Variants in CPNE1 observed in about 807,000 individuals in gnomAD.
CPNE1 encodes the protein copine 1.
In CPNE1, 58 loss-of-function variants were observed where a neutral mutation model predicts 63.2. The ratio of observed to expected loss-of-function variants is 0.92; its 90% confidence interval spans 0.74 to 1.14. The LOEUF is 1.14. CPNE1 is among the 50% of genes most tolerant of loss of function. The pLI is 0.00. For synonymous variants in CPNE1, 237 were observed against 249.0 expected, an observed-to-expected ratio of 0.95 and a Z score of 0.45; for missense variants, 672 against 661.7, an observed-to-expected ratio of 1.02 and a Z score of -0.17.
At position 35,626,179 on chromosome 20, in the gene CPNE1, T is replaced by C. The variant is rs772475530; in HGVS notation, c.*62A>G. 22 of 1,548,902 alleles carry C rather than the reference T, an allele frequency of 1.4e-5. No homozygotes were observed. Among genetic ancestry groups the C allele is most frequent in the African/African-American group, 4.1e-5 (3 of 73,460 alleles). ...ACTGAGGAGAGTGAGAAGGGTTGGG[T>C]TGTGGCCCAGAGGGACCTCTGGGAC... On this transcript the variant is annotated 3_prime_UTR_variant, in exon 16 of 16. Coordinates refer to ENST00000397443, the MANE Select transcript of CPNE1 (RefSeq NM_152925.3).
intron 1 of CPNE1, among the ~76,000 whole-genome samples, chr20:35,641,500 G>C (rs929947040): frequency 3.3e-5 from 5 of 152,114 alleles, no homozygotes; most frequent in African/African-American, 1.2e-4. Context: ...TATAACTTGG[G>C]CAAATACTTA....
At chr20:35,636,315 C>G (rs1458694997) in intron 1 of CPNE1, among the ~76,000 whole-genome samples, 1 of 152,176 alleles carries the variant, frequency 6.6e-6, no homozygotes, top group East Asian at 1.9e-4. Context: ...ACCTCACATG[C>G]TCTCCCAGGC....
At position 35,631,482 on chromosome 20, in the gene CPNE1, C is replaced by G; in HGVS notation, c.714+10G>C. On this transcript the variant is annotated intron_variant, in intron 8 of 15. Transcript: ENST00000397443. ...CCCATTTCCACACCCCTGGCAAGAC[C>G]AGCACTCACCGGGACTGCCTGCAGC... 6.2e-7 allele frequency: 1 copy of G among 1,613,484 alleles called. No individual in the cohort carries two copies.
chr20:35,659,672 A>G (rs1442856210), intron 1 of CPNE1, among the ~76,000 whole-genome samples: 3 of 152,158 alleles, frequency 2.0e-5, no homozygotes, highest in East Asian at 3.8e-4. Flanking sequence ...AATAAATAAA[A>G]TAAAATAAAA....
At chr20:35,662,681 A>G (rs1028791422) in intron 1 of CPNE1, among the ~76,000 whole-genome samples, 1 of 152,224 alleles carries the variant, frequency 6.6e-6, no homozygotes, top group African/African-American at 2.4e-5. Flanking sequence ...AATGGAGTAA[A>G]AACTATCAAC....
At chr20:35,663,771 A>G (rs73104746) in intron 1 of CPNE1, among the ~76,000 whole-genome samples, 5,206 of 152,322 alleles carry the variant, frequency 0.034, 126 homozygotes, top group Non-Finnish European at 0.049. Flanking sequence ...ACAACCTAGC[A>G]GCTAAGCCTG....
At position 35,656,974 on chromosome 20, in the gene CPNE1, A is replaced by G. The variant is rs560444926; in HGVS notation, c.-1+7786T>C. Among the ~76,000 whole-genome samples the G allele has an allele frequency of 2.0e-5, 3 of 152,368 alleles. No homozygotes were observed. The South Asian group carries it at 6.2e-4, about 32-fold the overall frequency. On this transcript the variant is annotated intron_variant, in intron 1 of 15. Transcript: ENST00000397443. ...CTGTAACTTCATTGTCAAATATTAT[A>G]TAAATACTAATGCAACAAAATCTGT... is the stretch of plus-strand genomic sequence containing the variant.
At position 35,647,792 on chromosome 20, in the gene CPNE1, C is replaced by T. The variant is rs143160781; in HGVS notation, c.1-14869G>A. On this transcript the variant is annotated intron_variant, in intron 1 of 15. Coordinates refer to ENST00000397443, the MANE Select transcript of CPNE1 (RefSeq NM_152925.3). ...TTTACCAGCTGGGCACGGTGGCTCACGCCTGTAATCCCAGCACTTTGGGAG... is the reference window on the plus strand; with the variant it reads ...TTTACCAGCTGGGCACGGTGGCTCATGCCTGTAATCCCAGCACTTTGGGAG... Among the ~76,000 whole-genome samples, 1,375 of 151,544 alleles carry T rather than the reference C, an allele frequency of 9.1e-3. 24 individuals carry two copies. Among genetic ancestry groups the T allele is most frequent in the African/African-American group, 0.032 (1,317 of 41,250 alleles).
chr20:35,652,914 C>T lies in CPNE1; in HGVS notation c.-1+11846G>A, dbSNP rs149878650. 3,433 of 1,613,718 alleles carry T rather than the reference C, an allele frequency of 2.1e-3. 129 individuals carry two copies. In the Admixed American group the frequency reaches 0.054, roughly 25 times the overall value. The stretch of plus-strand genomic sequence containing the variant: ...GACCAGGAGGGCCACTTCCAAACCC[C>T]GGGGGACCGCCTAAGCTACCAGGGC... On this transcript the variant is annotated intron_variant, in intron 1 of 15. Transcript: ENST00000397443.
intron 1 of CPNE1, among the ~76,000 whole-genome samples, chr20:35,642,142 T>C (rs1284704741): frequency 6.6e-6 from 1 of 152,198 alleles, no homozygotes; most frequent in East Asian, 1.9e-4. Flanking sequence ...GAGGTTCTAA[T>C]TTTCCTATTC....
In CPNE1 at chr20:35,627,368, A is replaced by C; in HGVS notation, c.1148T>G (p.Val383Gly). ...VDAYRQALPQ[V>G]RLYGPTNFAP... ...AAAGTTGGTAGGGCCATAGAGGCGA[A>C]CTTGGGGCAGGGCTTGGCGGTAGGC... Residue 383 changes from valine (V) to glycine (G), a missense_variant, in exon 14 of 16, where the codon GTT becomes GGT. Physicochemically the swap from Val to Gly is moderately radical, Grantham distance 109. Coordinates refer to ENST00000397443, the MANE Select transcript of CPNE1 (RefSeq NM_152925.3). The C allele has an allele frequency of 6.2e-7, 1 of 1,614,110 alleles. No homozygotes were observed. Among genetic ancestry groups the C allele is most frequent in the Non-Finnish European group, 8.5e-7 (1 of 1,180,002 alleles).
At chr20:35,641,575 T>TACATGCATAC (rs2032813892) in intron 1 of CPNE1, among the ~76,000 whole-genome samples, 1 of 152,182 alleles carries the variant, frequency 6.6e-6, no homozygotes, top group Non-Finnish European at 1.5e-5. Flanking sequence ...TGAAGATTAA[T>TACATGCATAC]ATAAATAATG....
chr20:35,659,848 C>T (rs1391373040), intron 1 of CPNE1, among the ~76,000 whole-genome samples: 10 of 151,912 alleles, frequency 6.6e-5, no homozygotes, highest in Admixed American at 4.6e-4. Context: ...TCATTTTTTG[C>T]TTTTTATTTT....
At chr20:35,656,372 A>G (rs1670888731) in intron 1 of CPNE1, among the ~76,000 whole-genome samples, 3 of 152,160 alleles carry the variant, frequency 2.0e-5, no homozygotes, top group African/African-American at 7.2e-5. Flanking sequence ...GTTCCCCTCA[A>G]ATTTCAGTAT....
intron 13 of CPNE1, 99 bp downstream of exon 13, chr20:35,630,340 A>G (rs1246622876): frequency 6.8e-6 from 6 of 877,242 alleles, no homozygotes; most frequent in Non-Finnish European, 1.1e-5. Flanking sequence ...CCCTCTGGAC[A>G]ATGAAGGCAG....
Position 35,626,218 on chromosome 20 carries a change from C to G in CPNE1, c.*23G>C. Reference sequence around the variant, plus strand: ...GACCTCTGGGACACAGGATTGAGGACTTGCCACAGCCTCCAAGGGAACCTA... The same window carrying G: ...GACCTCTGGGACACAGGATTGAGGAGTTGCCACAGCCTCCAAGGGAACCTA... On this transcript the variant is annotated 3_prime_UTR_variant, in exon 16 of 16. Coordinates refer to ENST00000397443, the MANE Select transcript of CPNE1 (RefSeq NM_152925.3). 6.2e-7 allele frequency: 1 copy of G among 1,614,016 alleles called. No individual in the cohort carries two copies. Among genetic ancestry groups the G allele is most frequent in the Non-Finnish European group, 8.5e-7 (1 of 1,179,920 alleles).
intron 1 of CPNE1, among the ~76,000 whole-genome samples, chr20:35,644,097 T>G (rs2032976572): frequency 6.6e-6 from 1 of 152,174 alleles, no homozygotes; most frequent in Non-Finnish European, 1.5e-5. Context: ...CAGTGTTATT[T>G]GTGAGGATTA....
chr20:35,656,300 TC>T (rs1273930947), intron 1 of CPNE1, among the ~76,000 whole-genome samples: 2 of 152,188 alleles, frequency 1.3e-5, no homozygotes, highest in Non-Finnish European at 2.9e-5. Context: ...CCTACACAAC[TC>T]CTACAGGATC....
chr20:35,655,963 C>T (rs185886578), intron 1 of CPNE1, among the ~76,000 whole-genome samples: 1 of 152,214 alleles, frequency 6.6e-6, no homozygotes, highest in East Asian at 1.9e-4. Context: ...TTCAATCTGC[C>T]TTGTACATTA....
Sources: allele counts gnomAD v4.1 joint callset (sites outside exome capture counted in the v4.1 genomes callset), GRCh38; gene constraint gnomAD v4.1.1; transcripts MANE v1.5; gene names NCBI Gene and HGNC (gene_info 2026-07-23, HGNC 2026-07-21).